Variants in TNRC6A observed in about 807,000 individuals in gnomAD.
The protein encoded by TNRC6A is trinucleotide repeat-containing gene 6A protein.
A neutral mutation model predicts 221.2 loss-of-function variants in TNRC6A; 44 were observed. The ratio of observed to expected loss-of-function variants is 0.20; its 90% CI spans 0.16 to 0.26. The LOEUF is 0.26. TNRC6A is among the 10% of genes least tolerant of loss of function. The pLI is 1.00. For synonymous variants in TNRC6A, 847 were observed against 838.5 expected, an observed-to-expected ratio of 1.01 and a Z score of -0.18; for missense variants, 2,199 against 2,404.4, an observed-to-expected ratio of 0.91 and a Z score of 1.79.
chr16:24,719,857 A>T (rs1013148133), intron 2 of TNRC6A, among the ~76,000 whole-genome samples: 6 of 149,864 alleles, frequency 4.0e-5, no homozygotes, highest in African/African-American at 7.4e-5. Flanking sequence ...AAAAAAAAAA[A>T]TTTAAACAAG....
chr16:24,637,241 C>T (rs1364805241), intron 1 of TNRC6A, among the ~76,000 whole-genome samples: 3 of 152,130 alleles, frequency 2.0e-5, no homozygotes, highest in African/African-American at 7.2e-5. Context: ...CCATGTTGCT[C>T]AGGCTGGTCT....
chr16:24,667,273 T>C (rs2055192136), intron 2 of TNRC6A, among the ~76,000 whole-genome samples: 1 of 152,102 alleles, frequency 6.6e-6, no homozygotes, highest in African/African-American at 2.4e-5. Context: ...CTGGGCTCTG[T>C]CCCGTGCCTG....
rs970630083 is a variant in TNRC6A, at chr16:24,741,844, T to G, written c.54-8882T>G. On this transcript the variant is annotated intron_variant, in intron 2 of 24. Coordinates refer to ENST00000395799, the MANE Select transcript of TNRC6A (RefSeq NM_014494.4). ...TGTACACTTTTTACATTTTATTTAT[T>G]TATTTTTTGGGGGACATGGTCTTGC... Among the ~76,000 whole-genome samples, 58 of 152,290 alleles carry G rather than the reference T, an allele frequency of 3.8e-4. 2 individuals are homozygous for G. Among genetic ancestry groups the G allele is most frequent in the Admixed American group, 1.6e-3 (25 of 15,296 alleles).
chr16:24,818,794 G>A (rs911501143), intron 21 of TNRC6A, 94 bp downstream of exon 21: 10 of 931,194 alleles, frequency 1.1e-5, no homozygotes, highest in Middle Eastern at 2.1e-4. Flanking sequence ...AGTCTTCTCA[G>A]GGAATTAGGA....
At position 24,824,942 on chromosome 16, in the gene TNRC6A, T is replaced by C. The variant is rs2058841203; in HGVS notation, c.*1135T>C. 1.3e-5 allele frequency: 2 copies of C among 152,670 alleles called. No homozygotes were observed. Among genetic ancestry groups the C allele is most frequent in the South Asian group, 4.1e-4 (2 of 4,838 alleles). The allele number at this position is 152,670 out of a possible 1,614,324, so 9.5% of individuals were successfully genotyped here. A position where few individuals can be genotyped will look rare whatever the true frequency, so the allele number is the denominator to read the frequency against. ...TGACATTCTGCTTTCAGATGCTGTC[T>C]TTTTATTAGTGAGTGATGATGGTTT... On this transcript the variant is annotated 3_prime_UTR_variant, in exon 25 of 25. Coordinates refer to ENST00000395799, the MANE Select transcript of TNRC6A (RefSeq NM_014494.4).
intron 20 of TNRC6A, among the ~76,000 whole-genome samples, chr16:24,817,596 G>A (rs2058680996): frequency 6.6e-6 from 1 of 152,040 alleles, no homozygotes; most frequent in East Asian, 1.9e-4. Context: ...TTCACCTCAA[G>A]GCATTTAGAT....
At chr16:24,685,169 A>G (rs1420773323) in intron 2 of TNRC6A, among the ~76,000 whole-genome samples, 1 of 152,094 alleles carries the variant, frequency 6.6e-6, no homozygotes, top group African/African-American at 2.4e-5. Flanking sequence ...CTTCTTTTCT[A>G]TGATACTTCC....
At chr16:24,761,233 T>C (rs556926431) in intron 4 of TNRC6A, among the ~76,000 whole-genome samples, 84 of 152,338 alleles carry the variant, frequency 5.5e-4, no homozygotes, top group South Asian at 1.0e-3. Flanking sequence ...TAAAGTGTAA[T>C]GGGCAACGTA....
At chr16:24,638,281 G>A (rs773529863) in intron 1 of TNRC6A, among the ~76,000 whole-genome samples, 4 of 152,100 alleles carry the variant, frequency 2.6e-5, no homozygotes, top group Non-Finnish European at 5.9e-5. Context: ...AGCCCAGCGT[G>A]ATGGCACATG....
intron 1 of TNRC6A, among the ~76,000 whole-genome samples, chr16:24,639,966 T>C (rs1481220442): frequency 6.6e-6 from 1 of 152,160 alleles, no homozygotes; most frequent in Non-Finnish European, 1.5e-5. Context: ...CCAGTCACTG[T>C]TTTTTTGACA....
In TNRC6A at chr16:24,729,769, C is replaced by T. The variant is rs936535769; in HGVS notation, c.-73C>T. ...TGGTGCAGCGGCTCGGGCCTCTCCCCGCGGCGCTGCGGAGGGCTTGAGGCT... is the reference window on the plus strand; with the variant it reads ...TGGTGCAGCGGCTCGGGCCTCTCCCTGCGGCGCTGCGGAGGGCTTGAGGCT... On this transcript the variant is annotated 5_prime_UTR_variant, in exon 1 of 25. Transcript: ENST00000395799. 5.8e-6 allele frequency: 8 copies of T among 1,370,410 alleles called. No individual in the cohort carries two copies. The highest frequency in any genetic ancestry group is 1.7e-5 in the South Asian group (1 of 57,842). The allele number at this position is 1,370,410 out of a possible 1,614,324, so 84.9% of individuals were successfully genotyped here.
chr16:24,625,195 A>G (rs543705639), intron 1 of TNRC6A, among the ~76,000 whole-genome samples: 4 of 152,350 alleles, frequency 2.6e-5, no homozygotes, highest in African/African-American at 9.6e-5. Flanking sequence ...ATTCAGAGCT[A>G]AGGATAAAGT....
At chr16:24,803,955 C>G (rs1293720151) in intron 11 of TNRC6A, 1 of 464,426 alleles carries the variant, frequency 2.2e-6, no homozygotes, top group Non-Finnish European at 3.7e-6. Context: ...GTTTACTAGT[C>G]TATTTCAAGT....
chr16:24,800,718 G>A (rs2058314923), intron 11 of TNRC6A, among the ~76,000 whole-genome samples: 1 of 152,172 alleles, frequency 6.6e-6, no homozygotes, highest in Admixed American at 6.5e-5. Context: ...TCATGGAGAG[G>A]TATCTCACCG....
At chr16:24,612,325 C>T (rs2141525853) in intron 1 of TNRC6A, among the ~76,000 whole-genome samples, 1 of 152,216 alleles carries the variant, frequency 6.6e-6, no homozygotes, top group Non-Finnish European at 1.5e-5. Context: ...GATGGAGAAA[C>T]TGAGGCAAGG....
At chr16:24,732,134 G>C (rs899364003) in intron 2 of TNRC6A, among the ~76,000 whole-genome samples, 1 of 152,216 alleles carries the variant, frequency 6.6e-6, no homozygotes, top group Non-Finnish European at 1.5e-5. Context: ...TTGTAAGGCA[G>C]TGTGTACTAA....
chr16:24,763,225 A>G (rs2057400709), intron 4 of TNRC6A, among the ~76,000 whole-genome samples: 1 of 151,394 alleles, frequency 6.6e-6, no homozygotes, highest in Non-Finnish European at 1.5e-5. Context: ...ATTACGTTCA[A>G]AGTGTTTTTT....
intron 21 of TNRC6A, 32 bp downstream of exon 21, chr16:24,818,732 T>C (rs2058705360): frequency 6.4e-7 from 1 of 1,556,612 alleles, no homozygotes; most frequent in Admixed American, 1.7e-5. Context: ...GAAGGGAGGG[T>C]TGGTCACAGC....
intron 2 of TNRC6A, among the ~76,000 whole-genome samples, chr16:24,708,159 G>C (rs895035410): frequency 3.3e-5 from 5 of 151,816 alleles, no homozygotes; most frequent in African/African-American, 1.2e-4. Context: ...CTTCGTTTTT[G>C]TTTGGTTGGT....
Sources: gnomAD v4.1 joint callset for allele counts (sites outside exome capture counted in the v4.1 genomes callset) on GRCh38, gnomAD v4.1.1 for gene constraint, MANE v1.5 for transcripts, NCBI Gene and HGNC (gene_info 2026-07-23, HGNC 2026-07-21) for gene names.